The following NOL9 variants were observed in gnomAD, a reference collection of about 807,000 sequenced individuals.
NOL9 encodes the protein nucleolar protein 9, also known as polynucleotide 5'-hydroxyl-kinase NOL9.
In NOL9, 28 loss-of-function variants were observed where a neutral mutation model predicts 67.9. That is an observed-to-expected ratio of 0.41 (90% CI 0.31 to 0.57). NOL9 has a LOEUF of 0.57. Among genes scored for constraint, NOL9 ranks in the 20% least tolerant of loss-of-function variants. The pLI is 0.25. For missense variants in NOL9, 777 were observed against 897.0 expected (o/e 0.87, Z 1.71); for synonymous variants, 356 against 352.2 (o/e 1.01, Z -0.12).
chr1:6,534,414 T>C (rs1418503885), intron 6 of NOL9, among the ~76,000 whole-genome samples: 1 of 152,126 alleles, frequency 6.6e-6, no homozygotes, highest in Non-Finnish European at 1.5e-5. Context: ...GTCTGCACAG[T>C]CAGCAGGCCA....
intron 3 of NOL9, among the ~76,000 whole-genome samples, chr1:6,545,838 C>G (rs898578358): frequency 7.2e-6 from 1 of 139,128 alleles, no homozygotes; most frequent in African/African-American, 2.7e-5. Context: ...CGCTTGAACC[C>G]AGGAGGTGGA....
intron 3 of NOL9, among the ~76,000 whole-genome samples, chr1:6,546,696 A>G (rs1639427863): frequency 6.6e-6 from 1 of 152,078 alleles, no homozygotes; most frequent in African/African-American, 2.4e-5. Context: ...TCTCTGCTGC[A>G]TGGTTACCTC....
chr1:6,553,343 G>C lies in NOL9; in HGVS notation c.396+764C>G, dbSNP rs969819301. Among the ~76,000 whole-genome samples, 4 of 152,192 alleles carry C rather than the reference G, an allele frequency of 2.6e-5. No homozygotes were observed. In the East Asian group the frequency reaches 7.7e-4, roughly 29 times the overall value. On this transcript the variant is annotated intron_variant, in intron 1 of 11. Transcript: ENST00000377705. The stretch of plus-strand genomic sequence containing the variant: ...CCACGTTAAGAATCAGGCTGCCTGA[G>C]TTCGACTCCTAGCTCTCCCTCTACT...
chr1:6,526,782 T>G lies in NOL9; in HGVS notation c.1873A>C (p.Thr625Pro). 6.2e-7 allele frequency: 1 copy of G among 1,613,432 alleles called. No individual in the cohort carries two copies. The highest frequency in any genetic ancestry group is 1.3e-5 in the African/African-American group (1 of 74,938). The change falls in exon 11 of 12, where the codon ACC becomes CCC. Residue 625 changes from threonine to proline, a missense_variant. Physicochemically the swap from Thr to Pro is conservative, Grantham distance 38. Coordinates refer to ENST00000377705, the MANE Select transcript of NOL9 (RefSeq NM_024654.5). Reference sequence around the variant, plus strand: ...CTTAGCTCTTCCGGGGGCACAGGGGTGAGGATGTGGTACAGCCGCTTCTCC... The same window carrying G: ...CTTAGCTCTTCCGGGGGCACAGGGGGGAGGATGTGGTACAGCCGCTTCTCC... ...DMEKRLYHIL[T>P]PVPPEELRTV... is the part of the protein sequence containing the mutation.
chr1:6,547,049 T>C (rs1639435257), intron 3 of NOL9, among the ~76,000 whole-genome samples: 1 of 152,180 alleles, frequency 6.6e-6, no homozygotes, highest in Non-Finnish European at 1.5e-5. Context: ...CACACTGGGT[T>C]TTCCACCAAA....
At chr1:6,553,144 C>T (rs953797325) in intron 1 of NOL9, among the ~76,000 whole-genome samples, 15 of 152,152 alleles carry the variant, frequency 9.9e-5, no homozygotes, top group African/African-American at 3.6e-4. Context: ...AGATCATACC[C>T]CATGGCAGCT....
chr1:6,553,277 C>T (rs1436683103), intron 1 of NOL9, among the ~76,000 whole-genome samples: 1 of 152,154 alleles, frequency 6.6e-6, no homozygotes, highest in East Asian at 1.9e-4. Flanking sequence ...TGGGTTTTGC[C>T]TTCCCTCCTG....
rs1395704788 is a variant in NOL9 at position 6,521,908 on chromosome 1, A to G, written c.*3946T>C. 6.6e-6 allele frequency: 1 copy of G among 152,228 alleles called. No individual in the cohort carries two copies. The highest frequency in any genetic ancestry group is 1.5e-5 in the Non-Finnish European group (1 of 68,038). 9.4% of individuals were successfully genotyped at this position (152,228 alleles called of 1,614,324 possible). A position where few individuals can be genotyped will look rare whatever the true frequency, so the allele number is the denominator to read the frequency against. ...AACACTGAAGGAAGGACAATTACCC[A>G]ATCTTCAAAACATAAAACAGGCTCA... On this transcript the variant is annotated 3_prime_UTR_variant, in exon 12 of 12. Transcript: ENST00000377705.
intron 9 of NOL9, 32 bp downstream of exon 9, chr1:6,531,936 T>G (rs770050887): frequency 6.4e-7 from 1 of 1,553,882 alleles, no homozygotes; most frequent in Admixed American, 1.7e-5. Context: ...TGTAACAAAA[T>G]GAAGACAATT....
chr1:6,538,762 C>T (rs545031908), intron 6 of NOL9, among the ~76,000 whole-genome samples: 20 of 152,134 alleles, frequency 1.3e-4, no homozygotes, highest in Non-Finnish European at 2.6e-4. Flanking sequence ...GCAGGTGGAT[C>T]GCCTGAGGCC....
In NOL9 at chr1:6,524,814, A is replaced by G. The variant is rs1316703680; in HGVS notation, c.*1040T>C. 1 of 151,252 alleles carries G rather than the reference A, an allele frequency of 6.6e-6. No individual in the cohort carries two copies. Among genetic ancestry groups the G allele is most frequent in the Admixed American group, 6.6e-5 (1 of 15,166 alleles). 9.4% of individuals were successfully genotyped at this position (151,252 alleles called of 1,614,324 possible). A position where few individuals can be genotyped will look rare whatever the true frequency, so the allele number is the denominator to read the frequency against. ...GAGTGCAGTGGCGTGACCTCGGCTC[A>G]CTGCAAGCTCCGCCTCCTGGGTTCA... On this transcript the variant is annotated 3_prime_UTR_variant, in exon 12 of 12. Transcript: ENST00000377705.
rs201576593 is a variant in NOL9, at chr1:6,550,595, G to C, written c.417C>G (p.Ile139Met). ...PVEQGFTFSG[I>M]CRVTCLYGQV... ...GGCCATAGAGGCAAGTCACACGACAGATCCCACTAAAAGTAAAACCCTAGC... is the reference window on the plus strand; with the variant it reads ...GGCCATAGAGGCAAGTCACACGACACATCCCACTAAAAGTAAAACCCTAGC... The change falls in exon 2 of 12, where the codon ATC (isoleucine) becomes ATG (methionine). Residue 139 changes from isoleucine to methionine, a missense_variant. By Grantham distance (10) the Ile-to-Met change is conservative. This residue lies in a region of NOL9 where 364 missense variants were observed against 344.4 expected (regional missense o/e 1.06). Transcript: ENST00000377705. 5.6e-5 allele frequency: 90 copies of C among 1,612,626 alleles called. No individual in the cohort carries two copies. The highest frequency in any genetic ancestry group is 7.5e-5 in the Non-Finnish European group (89 of 1,179,460).
chr1:6,531,457 C>T (rs1350200034), intron 9 of NOL9, among the ~76,000 whole-genome samples: 1 of 152,066 alleles, frequency 6.6e-6, no homozygotes, highest in Non-Finnish European at 1.5e-5. Flanking sequence ...TCGTGATCTG[C>T]CCGCCTTGGC....
At position 6,529,284 on chromosome 1, in the gene NOL9, A is replaced by C. The variant is rs1214314067; in HGVS notation, c.1648-113T>G. Reference sequence around the variant, plus strand: ...GATAGGTCTGCCAAAGTGCCTACTCAAAAGTATCTCTAAAGAATAAAAACA... The same window carrying C: ...GATAGGTCTGCCAAAGTGCCTACTCCAAAGTATCTCTAAAGAATAAAAACA... On this transcript the variant is annotated intron_variant, in intron 9 of 11. Coordinates refer to ENST00000377705, the MANE Select transcript of NOL9 (RefSeq NM_024654.5). 5 of 937,352 alleles carry C rather than the reference A, an allele frequency of 5.3e-6. No individual in the cohort carries two copies. The African/African-American group carries it at 6.6e-5, about 12-fold the overall frequency. The allele number at this position is 937,352 out of a possible 1,614,324, so 58.1% of individuals were successfully genotyped here. A position where few individuals can be genotyped will look rare whatever the true frequency, so the allele number is the denominator to read the frequency against.
At chr1:6,539,119 T>C (rs1490982797) in intron 6 of NOL9, among the ~76,000 whole-genome samples, 2 of 152,204 alleles carry the variant, frequency 1.3e-5, no homozygotes, top group East Asian at 3.8e-4. Flanking sequence ...ACATGAGACA[T>C]TACTTCACAC....
intron 3 of NOL9, among the ~76,000 whole-genome samples, chr1:6,546,734 C>T (rs1398318642): frequency 6.6e-6 from 1 of 152,204 alleles, no homozygotes; most frequent in African/African-American, 2.4e-5. Flanking sequence ...TTCCCATCTG[C>T]CATGTTCCAG....
At position 6,545,805 on chromosome 1, in the gene NOL9, T is replaced by A. The variant is rs1489819809; in HGVS notation, c.745-625A>T. ...GGTGCACGCCTGTAATCCCAGCTAC[T>A]TGGGAGGCTGAAGCACAAGAATCGC... On this transcript the variant is annotated intron_variant, in intron 3 of 11. Transcript: ENST00000377705. 3.3e-5 allele frequency among the ~76,000 whole-genome samples: 5 copies of A among 149,306 alleles called. No individual in the cohort carries two copies. The Admixed American group carries it at 3.4e-4, about 10-fold the overall frequency.
chr1:6,546,921 G>C (rs535127244), intron 3 of NOL9, among the ~76,000 whole-genome samples: 1 of 152,226 alleles, frequency 6.6e-6, no homozygotes, highest in African/African-American at 2.4e-5. Flanking sequence ...ATTCCAATCA[G>C]GCTACTTCCC....
chr1:6,547,972 C>G (rs569144521), intron 3 of NOL9: 5 of 274,154 alleles, frequency 1.8e-5, no homozygotes, highest in Non-Finnish European at 3.7e-5. Flanking sequence ...CTACAATACA[C>G]CGTCATAGGC....
Sources: allele counts gnomAD v4.1 joint callset (sites outside exome capture counted in the v4.1 genomes callset), GRCh38; gene constraint gnomAD v4.1.1; regional missense constraint gnomAD v4.1.1; transcripts MANE v1.5; gene names NCBI Gene and HGNC (gene_info 2026-07-23, HGNC 2026-07-21).